ALMS1: variants seen among roughly 807,000 people sequenced by gnomAD.
The protein encoded by ALMS1 is centrosome-associated protein ALMS1.
In ALMS1, 271 loss-of-function variants were observed where a neutral mutation model predicts 352.2. The observed-to-expected ratio is 0.77, with a 90% CI of 0.70 to 0.85. The LOEUF is 0.85. Among genes scored for constraint, ALMS1 ranks in the 40% least tolerant of loss-of-function variants. ALMS1 has a pLI of 0.00. For missense variants in ALMS1, 5,445 were observed against 4,870.7 expected, an observed-to-expected ratio of 1.12 and a Z score of -3.51; for synonymous variants, 1,865 against 1,761.2, an observed-to-expected ratio of 1.06 and a Z score of -1.48.
In ALMS1 at chr2:73,576,861, A is replaced by G. The variant is rs970808108; in HGVS notation, c.11547+3437A>G. 2.0e-5 allele frequency among the ~76,000 whole-genome samples: 3 copies of G among 151,994 alleles called. No individual in the cohort carries two copies. The East Asian group carries it at 5.8e-4, about 29-fold the overall frequency. Reference sequence around the variant, plus strand: ...GGTCTTGAACCCCTGACCTCAGGTGATCCACCCCCCTCAGTCTCCCCAAAG... The same window carrying G: ...GGTCTTGAACCCCTGACCTCAGGTGGTCCACCCCCCTCAGTCTCCCCAAAG... On this transcript the variant is annotated intron_variant, in intron 16 of 22. Coordinates refer to ENST00000613296, the MANE Select transcript of ALMS1 (RefSeq NM_001378454.1).
In ALMS1 at chr2:73,386,169, G is replaced by A. The variant is rs760639277; in HGVS notation, c.301G>A (p.Gly101Ser). ...GCCCCCGCAGCACCGCTACTCGGAG[G>A]GCGAGCGGACCTCCCTGGAGAAGGT... Reference protein sequence around the residue: ...LSPPQHRYSEGERTSLEKIVP... With the variant: ...LSPPQHRYSESERTSLEKIVP... Residue 101 changes from glycine to serine, a missense_variant, in exon 1 of 23, where the codon GGC becomes AGC. By Grantham distance (56) the Gly-to-Ser change is moderately conservative. Coordinates refer to ENST00000613296, the MANE Select transcript of ALMS1 (RefSeq NM_001378454.1). 14 of 1,549,490 alleles carry A rather than the reference G, an allele frequency of 9.0e-6. No individual in the cohort carries two copies. Among genetic ancestry groups the A allele is most frequent in the Non-Finnish European group, 1.2e-5 (14 of 1,146,552 alleles).
At chr2:73,488,252 C>G (rs924500240) in intron 9 of ALMS1, among the ~76,000 whole-genome samples, 3 of 152,352 alleles carry the variant, frequency 2.0e-5, no homozygotes, top group Non-Finnish European at 4.4e-5. Flanking sequence ...CCTGCAACCT[C>G]CCTCCTGTGC....
chr2:73,433,383 G>A (rs2103737303), intron 7 of ALMS1, among the ~76,000 whole-genome samples: 1 of 149,008 alleles, frequency 6.7e-6, no homozygotes, highest in East Asian at 1.9e-4. Context: ...AGAGAAGCCA[G>A]AAGAGTTGTT....
At chr2:73,443,257 C>A (rs996888791) in intron 7 of ALMS1, among the ~76,000 whole-genome samples, 6 of 152,272 alleles carry the variant, frequency 3.9e-5, no homozygotes, top group Admixed American at 1.3e-4. Flanking sequence ...TCCCTGCTTA[C>A]CTTCTTAGCC....
rs989191437 is a variant in ALMS1 at position 73,386,134 on chromosome 2, C to T, written c.266C>T (p.Pro89Leu). The T allele has an allele frequency of 7.0e-6, 11 of 1,566,086 alleles. No individual in the cohort carries two copies. Among genetic ancestry groups the T allele is most frequent in the Middle Eastern group, 1.7e-4 (1 of 6,026 alleles). ...CAGGCGCACCCCGGCAGGATTTTGC[C>T]TCCGCTGTCGCCCCCGCAGCACCGC... Reference protein sequence around the residue: ...WLQAHPGRILPPLSPPQHRYS... With the variant: ...WLQAHPGRILLPLSPPQHRYS... The change falls in exon 1 of 23, where the codon CCT (proline) becomes CTT (leucine). Residue 89 changes from proline to leucine, a missense_variant. Pro to Leu is a moderately conservative substitution (Grantham distance 98). Coordinates refer to ENST00000613296, the MANE Select transcript of ALMS1 (RefSeq NM_001378454.1).
At chr2:73,549,008 C>G (rs1674375209) in intron 12 of ALMS1, among the ~76,000 whole-genome samples, 1 of 152,194 alleles carries the variant, frequency 6.6e-6, no homozygotes, top group African/African-American at 2.4e-5. Flanking sequence ...TTGGTGTTTT[C>G]CTTGCAGTCT....
chr2:73,493,070 T>C (rs1339304876), intron 10 of ALMS1, among the ~76,000 whole-genome samples: 1 of 152,060 alleles, frequency 6.6e-6, no homozygotes, highest in African/African-American at 2.4e-5. Flanking sequence ...CTGAATACCT[T>C]AAAAATGAGA....
In ALMS1 at chr2:73,545,181, GT is replaced by G. The variant is rs199515863; in HGVS notation, c.9908-5069del. Among the ~76,000 whole-genome samples the G allele has an allele frequency of 6.1e-3, 847 of 139,832 alleles. 2 individuals carry two copies. Among genetic ancestry groups the G allele is most frequent in the Admixed American group, 0.012 (165 of 13,988 alleles). 91.7% of individuals were successfully genotyped at this position (139,832 alleles called of 152,430 possible). A position where few individuals can be genotyped will look rare whatever the true frequency, so the allele number is the denominator to read the frequency against. On this transcript the variant is annotated intron_variant, in intron 12 of 22. Transcript: ENST00000613296. ...ACTTAAAAATGATTAATTTTTTGTG[GT>G]TTTTTTTTTTTTTTTTGAAACAGAG...
intron 9 of ALMS1, among the ~76,000 whole-genome samples, chr2:73,457,750 T>C (rs970026361): frequency 2.0e-5 from 3 of 152,140 alleles, no homozygotes; most frequent in African/African-American, 7.2e-5. Context: ...CTAAAACTTT[T>C]GGCTGGGCGC....
intron 15 of ALMS1, 51 bp downstream of exon 15, chr2:73,559,193 G>A: frequency 1.3e-6 from 2 of 1,581,686 alleles, no homozygotes; most frequent in Non-Finnish European, 1.7e-6. Context: ...GTGTATGTGA[G>A]GGTCAGTGTT....
At chr2:73,434,744 A>G (rs1671574552) in intron 7 of ALMS1, among the ~76,000 whole-genome samples, 1 of 152,036 alleles carries the variant, frequency 6.6e-6, no homozygotes, top group African/African-American at 2.4e-5. Flanking sequence ...GATTTGCTTC[A>G]CATATTTTGA....
At chr2:73,431,326 C>T (rs922579176) in intron 6 of ALMS1, among the ~76,000 whole-genome samples, 1 of 152,060 alleles carries the variant, frequency 6.6e-6, no homozygotes, top group East Asian at 1.9e-4. Context: ...TAAGAATGTT[C>T]ATTACTACAC....
chr2:73,603,848 A>G (rs1675755459), intron 21 of ALMS1: 1 of 153,422 alleles, frequency 6.5e-6, no homozygotes, highest in Non-Finnish European at 1.5e-5. Context: ...CGACAGAACG[A>G]GACTCCATCT....
intron 22 of ALMS1, among the ~76,000 whole-genome samples, chr2:73,609,334 G>A (rs964793158): frequency 2.0e-5 from 3 of 152,146 alleles, no homozygotes; most frequent in Non-Finnish European, 4.4e-5. Context: ...GGGAACTGAT[G>A]GATTATCTGT....
chr2:73,542,816 A>C (rs1402298554), intron 12 of ALMS1, among the ~76,000 whole-genome samples: 1 of 152,118 alleles, frequency 6.6e-6, no homozygotes, highest in Non-Finnish European at 1.5e-5. Flanking sequence ...AGGGATGTGA[A>C]GGACCTCTTC....
intron 9 of ALMS1, among the ~76,000 whole-genome samples, chr2:73,460,807 G>A (rs537867883): frequency 5.9e-4 from 90 of 152,350 alleles, no homozygotes; most frequent in Middle Eastern, 3.4e-3. Flanking sequence ...CACATGGCTC[G>A]GAGGGTCCTA....
intron 12 of ALMS1, among the ~76,000 whole-genome samples, chr2:73,549,095 A>G (rs1486825275): frequency 1.3e-5 from 2 of 152,190 alleles, no homozygotes; most frequent in South Asian, 2.1e-4. Flanking sequence ...ATTGCCATAT[A>G]CATACTAGGA....
At chr2:73,602,100 G>A (rs1229636021) in intron 19 of ALMS1, 85 bp from the exon 20 acceptor site, 1 of 1,374,034 alleles carries the variant, frequency 7.3e-7, no homozygotes, top group Non-Finnish European at 1.0e-6. Context: ...AACCTCTTGG[G>A]CAGGTGGTGT....
intron 2 of ALMS1, 118 bp from the exon 3 acceptor site, chr2:73,419,005 T>A (rs1459744697): frequency 9.4e-6 from 8 of 848,980 alleles, no homozygotes; most frequent in Non-Finnish European, 1.5e-5. Flanking sequence ...TATACTTTGA[T>A]GAGAATGTCA....
Sources: gnomAD v4.1 joint callset for allele counts (sites outside exome capture counted in the v4.1 genomes callset) on GRCh38, gnomAD v4.1.1 for gene constraint, MANE v1.5 for transcripts, NCBI Gene and HGNC (gene_info 2026-07-23, HGNC 2026-07-21) for gene names.